CD99L2: variants seen among roughly 807,000 people sequenced by gnomAD.
CD99L2 encodes CD99 antigen-like protein 2.
Under a neutral mutation model 27.3 loss-of-function variants are expected in CD99L2, and 24 were observed. The ratio of observed to expected loss-of-function variants is 0.88; its 90% CI spans 0.64 to 1.24. The LOEUF is 1.24. CD99L2 is among the 50% of genes most tolerant of loss of function. The probability of loss-of-function intolerance (pLI) is 0.00; values close to 1 mark genes in which losing one functional copy is unlikely to be tolerated. For synonymous variants in CD99L2, 97 were observed against 87.9 expected (o/e 1.10, Z -0.58); for missense variants, 255 against 221.6 (o/e 1.15, Z -0.96).
intron 1 of CD99L2, among the ~76,000 whole-genome samples, chrX:150,855,799 C>A (rs1054473982): frequency 2.7e-5 from 3 of 111,656 alleles, no homozygotes; most frequent in Non-Finnish European, 5.7e-5. Flanking sequence ...CTAACGGGGG[C>A]AAGAAAGGAC....
At chrX:150,791,807 T>TGTCA (rs1282059350) in intron 7 of CD99L2, among the ~76,000 whole-genome samples, 1 of 111,151 alleles carries the variant, frequency 9.0e-6, no homozygotes, top group Non-Finnish European at 1.9e-5. Context: ...GACAAAAGAC[T>TGTCA]GTCATCGTTA....
chrX:150,830,088 G>A (rs919474188), intron 2 of CD99L2, among the ~76,000 whole-genome samples: 10 of 110,381 alleles, frequency 9.1e-5, no homozygotes, highest in Non-Finnish European at 1.7e-4. Context: ...CTAGGAGGGG[G>A]AGGTTGCAGT....
At chrX:150,828,857 A>C (rs1557420989) in intron 2 of CD99L2, 1 of 111,867 alleles carries the variant, frequency 8.9e-6, no homozygotes, top group East Asian at 2.8e-4. Context: ...AATATAAAAA[A>C]CACATATCTT....
chrX:150,856,232 C>G (rs1237512160), intron 1 of CD99L2, among the ~76,000 whole-genome samples: 1 of 112,852 alleles, frequency 8.9e-6, no homozygotes, highest in African/African-American at 3.2e-5. Flanking sequence ...CCCCACCAGA[C>G]AGAGGACAAT....
intron 1 of CD99L2, among the ~76,000 whole-genome samples, chrX:150,856,991 C>T (rs2046900575): frequency 9.1e-6 from 1 of 110,218 alleles, no homozygotes; most frequent in Admixed American, 9.7e-5. Context: ...AAAGCTTCAA[C>T]AATAGACTAG....
intron 1 of CD99L2, among the ~76,000 whole-genome samples, chrX:150,849,900 G>A (rs1383867107): frequency 9.0e-6 from 1 of 111,003 alleles, no homozygotes; most frequent in Non-Finnish European, 1.9e-5. Context: ...ACATTACTAG[G>A]CCCACATCTG....
intron 1 of CD99L2, among the ~76,000 whole-genome samples, chrX:150,879,434 G>A (rs2047286071): frequency 9.0e-6 from 1 of 111,254 alleles, no homozygotes; most frequent in African/African-American, 3.3e-5. Flanking sequence ...CTCTCAAGTA[G>A]GAAGATGCAT....
intron 1 of CD99L2, among the ~76,000 whole-genome samples, chrX:150,850,884 C>G (rs1291474391): frequency 9.0e-6 from 1 of 111,101 alleles, no homozygotes; most frequent in Non-Finnish European, 1.9e-5. Context: ...GTCACCCAGA[C>G]AGAAGTGCAG....
At chrX:150,841,490 G>A (rs2046622664) in intron 1 of CD99L2, among the ~76,000 whole-genome samples, 1 of 111,552 alleles carries the variant, frequency 9.0e-6, no homozygotes, top group Non-Finnish European at 1.9e-5. Context: ...TCTCCTAAAA[G>A]TTCTACATCA....
At chrX:150,875,059 G>A (rs1557422279) in intron 1 of CD99L2, among the ~76,000 whole-genome samples, 2 of 111,139 alleles carry the variant, frequency 1.8e-5, no homozygotes, top group African/African-American at 6.6e-5. Context: ...TTCCTCCCTT[G>A]GCCTCCCCTT....
At chrX:150,840,810 A>C (rs1305697745) in intron 1 of CD99L2, among the ~76,000 whole-genome samples, 1 of 110,445 alleles carries the variant, frequency 9.1e-6, no homozygotes, top group Non-Finnish European at 1.9e-5. Flanking sequence ...TAGTGTCCTG[A>C]TTCTGATGGT....
chrX:150,825,039 A>G (rs2046348896), intron 2 of CD99L2, among the ~76,000 whole-genome samples: 1 of 112,246 alleles, frequency 8.9e-6, no homozygotes, highest in African/African-American at 3.2e-5. Context: ...ATCTATGTAT[A>G]TATTTAATCT....
chrX:150,770,449 G>C (rs2080699153), intron 9 of CD99L2, 80 bp from the exon 10 acceptor site: 4 of 920,074 alleles, frequency 4.3e-6, no homozygotes, highest in South Asian at 2.2e-5. Flanking sequence ...TCCTGACCAA[G>C]TCCTCTGCAG....
intron 4 of CD99L2, among the ~76,000 whole-genome samples, chrX:150,807,996 T>C (rs1027805352): frequency 1.2e-4 from 14 of 112,661 alleles, no homozygotes; most frequent in African/African-American, 4.2e-4. Flanking sequence ...CATGCATACG[T>C]ATACCTACAG....
chrX:150,881,112 T>A (rs58789980), intron 1 of CD99L2, among the ~76,000 whole-genome samples: 10 of 110,099 alleles, frequency 9.1e-5, no homozygotes, highest in African/African-American at 6.6e-5. Flanking sequence ...CTGGGTTCTC[T>A]CTTCACCCCA....
rs782299749 is a variant in CD99L2 at position 150,796,479 on chromosome X, A to C, written c.278-993T>G. On this transcript the variant is annotated intron_variant, in intron 4 of 10. Coordinates refer to ENST00000370377, the MANE Select transcript of CD99L2 (RefSeq NM_031462.4). Reference sequence around the variant, plus strand: ...AATCCTGAATGTGTGTGCACCTAACAATAGAGTGTCTAGACACATTAAGTA... The same window carrying C: ...AATCCTGAATGTGTGTGCACCTAACCATAGAGTGTCTAGACACATTAAGTA... Among the ~76,000 whole-genome samples the C allele has an allele frequency of 4.4e-5, 5 of 112,746 alleles. No homozygotes were observed. In the South Asian group the frequency reaches 1.8e-3, roughly 41 times the overall value.
chrX:150,815,970 C>A (rs1557420472), intron 3 of CD99L2, 37 bp downstream of exon 3: 1 of 1,183,794 alleles, frequency 8.4e-7, no homozygotes. Flanking sequence ...CTCCAGAGGG[C>A]CCTTCCTCAC....
At chrX:150,833,887 G>A (rs967914691) in intron 1 of CD99L2, among the ~76,000 whole-genome samples, 1 of 111,874 alleles carries the variant, frequency 8.9e-6, no homozygotes, top group African/African-American at 3.2e-5. Context: ...TCCTAGATAA[G>A]ACTCCAAAAG....
chrX:150,883,637 C>A (rs782688511), intron 1 of CD99L2, among the ~76,000 whole-genome samples: 1 of 111,297 alleles, frequency 9.0e-6, no homozygotes, highest in Non-Finnish European at 1.9e-5. Flanking sequence ...TGGAAGAAGG[C>A]AAATTTACCC....
Sources: allele counts gnomAD v4.1 joint callset (sites outside exome capture counted in the v4.1 genomes callset), GRCh38; gene constraint gnomAD v4.1.1; transcripts MANE v1.5; gene names NCBI Gene and HGNC (gene_info 2026-07-23, HGNC 2026-07-21).